Variants in KLRG1 observed in about 807,000 individuals in gnomAD.
KLRG1 encodes killer cell lectin like receptor G1.
Under a neutral mutation model 21.8 loss-of-function variants are expected in KLRG1, and 16 were observed. That is an observed-to-expected ratio of 0.73 (90% CI 0.50 to 1.11). The LOEUF (loss-of-function observed/expected upper bound fraction) is 1.11, where lower values mean the gene tolerates loss of function less well. KLRG1 is among the 50% of genes most tolerant of loss of function. The pLI, the probability that KLRG1 is intolerant of heterozygous loss-of-function variation, is 0.00. For synonymous variants in KLRG1, 69 were observed against 75.9 expected, an observed-to-expected ratio of 0.91 and a Z score of 0.47; for missense variants, 173 against 218.3, an observed-to-expected ratio of 0.79 and a Z score of 1.31.
chr12:9,152,426 A>G, the KLRG1 span: 3 of 762,338 alleles, frequency 3.9e-6, no homozygotes, highest in Non-Finnish European at 6.8e-6. Context: ...CTAATATTCT[A>G]CAAAGGTCTG....
the KLRG1 span, among the ~76,000 whole-genome samples, chr12:9,104,847 T>C: frequency 2.0e-5 from 3 of 152,300 alleles, no homozygotes; most frequent in African/African-American, 7.2e-5. Context: ...ACACCTATTT[T>C]GGAGTGGACC....
the KLRG1 span, chr12:9,158,531 G>A: frequency 6.2e-7 from 1 of 1,614,176 alleles, no homozygotes. Context: ...CAATGAAGAT[G>A]TAGGATCGAG....
the KLRG1 span, among the ~76,000 whole-genome samples, chr12:9,159,529 A>G: frequency 2.6e-5 from 4 of 152,030 alleles, no homozygotes; most frequent in East Asian, 5.8e-4. Flanking sequence ...TTCTGCTCTC[A>G]TGAATGGATG....
the KLRG1 span, among the ~76,000 whole-genome samples, chr12:9,107,875 T>G: frequency 6.6e-6 from 1 of 151,030 alleles, no homozygotes; most frequent in Non-Finnish European, 1.5e-5. Context: ...TTTTTCCTCG[T>G]TTTTTTTTAG....
chr12:9,099,665 A>G, the KLRG1 span: 17 of 1,024,944 alleles, frequency 1.7e-5, no homozygotes, highest in African/African-American at 2.4e-4. Flanking sequence ...AAACCCTATC[A>G]AAGCCCTCTC....
chr12:8,966,316 A>T (rs1199597303), intron 1 of KLRG1, among the ~76,000 whole-genome samples: 1 of 152,208 alleles, frequency 6.6e-6, no homozygotes, highest in Non-Finnish European at 1.5e-5. Context: ...AGCAATGGCA[A>T]CAAAAGCCAA....
At chr12:9,067,886 T>G in the KLRG1 span, 1 of 1,576,694 alleles carries the variant, frequency 6.3e-7, no homozygotes, top group Non-Finnish European at 8.7e-7. Context: ...TGGGTCTCCA[T>G]GAGCAGAGAG....
chr12:9,003,437 A>G (rs1947364947), intron 3 of KLRG1, among the ~76,000 whole-genome samples: 2 of 151,994 alleles, frequency 1.3e-5, no homozygotes, highest in Admixed American at 1.3e-4. Flanking sequence ...AATCTTTTAG[A>G]TCATGGCTAT....
the KLRG1 span, chr12:9,095,513 G>A: frequency 1.9e-6 from 3 of 1,597,750 alleles, no homozygotes; most frequent in Admixed American, 5.1e-5. Context: ...CTTAAGATCA[G>A]ACCATCTGCA....
the KLRG1 span, among the ~76,000 whole-genome samples, chr12:9,179,593 A>G: frequency 0.012 from 1,799 of 152,272 alleles, 36 homozygotes; most frequent in African/African-American, 0.041. Flanking sequence ...AGATCCCAAC[A>G]ACTCTACAGA....
the KLRG1 span, among the ~76,000 whole-genome samples, chr12:9,131,715 G>A: frequency 7.9e-5 from 12 of 151,402 alleles, no homozygotes; most frequent in African/African-American, 2.9e-4. Context: ...CTATATATAC[G>A]TTTATATATT....
chr12:8,963,174 C>A (rs1352108532), intron 1 of KLRG1, among the ~76,000 whole-genome samples: 3 of 152,084 alleles, frequency 2.0e-5, no homozygotes, highest in African/African-American at 7.2e-5. Context: ...TCTATGCATT[C>A]AAAAATACCT....
chr12:9,090,393 C>T, the KLRG1 span: 1 of 1,613,988 alleles, frequency 6.2e-7, no homozygotes, highest in Non-Finnish European at 8.5e-7. Flanking sequence ...ACACAGTTTG[C>T]CGCCCGTTTG....
chr12:9,070,466 T>C, the KLRG1 span: 1 of 1,545,336 alleles, frequency 6.5e-7, no homozygotes, highest in Non-Finnish European at 8.9e-7. Flanking sequence ...AATAGGGCAG[T>C]CTGGGGTTAT....
intron 3 of KLRG1, among the ~76,000 whole-genome samples, chr12:9,008,098 T>A (rs896690855): frequency 2.0e-5 from 3 of 152,180 alleles, no homozygotes; most frequent in African/African-American, 7.2e-5. Flanking sequence ...TTAAACTTGT[T>A]CCCTTAAGAA....
At chr12:9,165,507 A>G in the KLRG1 span, 8 of 934,962 alleles carry the variant, frequency 8.6e-6, no homozygotes, top group Non-Finnish European at 1.3e-5. Flanking sequence ...TGTGAACACT[A>G]GATTATGTCC....
chr12:9,188,048 T>C, the KLRG1 span, among the ~76,000 whole-genome samples: 2 of 152,262 alleles, frequency 1.3e-5, no homozygotes, highest in Non-Finnish European at 2.9e-5. Flanking sequence ...ACGTCCTTGA[T>C]GAACATTGAT....
At chr12:9,145,204 C>T in the KLRG1 span, among the ~76,000 whole-genome samples, 11 of 152,102 alleles carry the variant, frequency 7.2e-5, no homozygotes, top group East Asian at 2.1e-3. Context: ...TTTATTTTTG[C>T]CATGTTAGTT....
intron 3 of KLRG1, 129 bp from the exon 4 acceptor site, chr12:9,008,846 A>G: frequency 1.6e-6 from 1 of 631,846 alleles, no homozygotes. Flanking sequence ...GTGATGATGG[A>G]GGCTGTAAGG....
Sources: gnomAD v4.1 joint callset for allele counts (sites outside exome capture counted in the v4.1 genomes callset) on GRCh38, gnomAD v4.1.1 for gene constraint, MANE v1.5 for transcripts, NCBI Gene and HGNC (gene_info 2026-07-23, HGNC 2026-07-21) for gene names.